Variants in DSCAM observed in about 807,000 individuals in gnomAD.
DSCAM encodes the protein DS cell adhesion molecule.
Under a neutral mutation model 217.7 loss-of-function variants are expected in DSCAM, and 47 were observed. That is an observed-to-expected ratio of 0.22 (90% CI 0.17 to 0.28). DSCAM has a LOEUF of 0.28. Ranked by LOEUF, DSCAM falls within the 10% of genes least tolerant of loss-of-function variation. The pLI is 1.00. For missense variants in DSCAM, 2,080 were observed against 2,618.3 expected (o/e 0.79, Z 4.49); for synonymous variants, 1,056 against 1,015.3 (o/e 1.04, Z -0.76).
chr21:40,673,010 A>G lies in DSCAM; in HGVS notation c.508+19800T>C, dbSNP rs140400354. ...CCAGCCCAGAATTCAACAGTTTGCC[A>G]TTATCCCTGCATAAAAATCCAAAGC... is the stretch of plus-strand genomic sequence containing the variant. On this transcript the variant is annotated intron_variant, in intron 3 of 32. Coordinates refer to ENST00000400454, the MANE Select transcript of DSCAM (RefSeq NM_001389.5). Among the ~76,000 whole-genome samples the G allele has an allele frequency of 3.9e-5, 6 of 152,306 alleles. 1 individual carries two copies. Among genetic ancestry groups the G allele is most frequent in the African/African-American group, 1.4e-4 (6 of 41,566 alleles).
chr21:40,118,585 C>G (rs960967525), intron 20 of DSCAM, among the ~76,000 whole-genome samples: 1 of 152,076 alleles, frequency 6.6e-6, no homozygotes, highest in Non-Finnish European at 1.5e-5. Flanking sequence ...AACTCCGTCT[C>G]AAAACAAACA....
chr21:40,266,777 CAT>C lies in DSCAM; in HGVS notation c.2356+9318_2356+9319del, dbSNP rs10684678. 5.7e-3 allele frequency among the ~76,000 whole-genome samples: 619 copies of C among 109,092 alleles called. 6 individuals carry two copies. Among genetic ancestry groups the C allele is most frequent in the Admixed American group, 7.5e-3 (77 of 10,322 alleles). The allele number at this position is 109,092 out of a possible 152,430, so 71.6% of individuals were successfully genotyped here. A position where few individuals can be genotyped will look rare whatever the true frequency, so the allele number is the denominator to read the frequency against. Reference sequence around the variant, plus strand: ...TATATCATCTTGAAATTTTCACATGCATATATATATATATATATATATACACA... The same window carrying C: ...TATATCATCTTGAAATTTTCACATGCATATATATATATATATATATACACA... On this transcript the variant is annotated intron_variant, in intron 11 of 32. Coordinates refer to ENST00000400454, the MANE Select transcript of DSCAM (RefSeq NM_001389.5).
At chr21:40,118,633 T>C (rs1477372740) in intron 20 of DSCAM, among the ~76,000 whole-genome samples, 1 of 152,192 alleles carries the variant, frequency 6.6e-6, no homozygotes, top group South Asian at 2.1e-4. Context: ...TCTTGTGACA[T>C]GATGTCACTT....
intron 3 of DSCAM, among the ~76,000 whole-genome samples, chr21:40,411,173 TATACACACACACACACACACACAC>T (rs1421720989): frequency 4.7e-4 from 63 of 134,848 alleles, no homozygotes; most frequent in African/African-American, 6.9e-4. Context: ...ACAGTAATTA[TATACACACACACACACACACACAC>T]ACACACACAC....
intron 3 of DSCAM, among the ~76,000 whole-genome samples, chr21:40,446,987 C>G (rs969743737): frequency 6.6e-6 from 1 of 152,094 alleles, no homozygotes; most frequent in Non-Finnish European, 1.5e-5. Flanking sequence ...GATGAGGTAG[C>G]CTGTCTGCCA....
intron 11 of DSCAM, among the ~76,000 whole-genome samples, chr21:40,227,762 C>T (rs146400648): frequency 2.0e-4 from 31 of 152,308 alleles, no homozygotes; most frequent in East Asian, 1.9e-3. Flanking sequence ...TACTTCACAT[C>T]TCCACATCCA....
chr21:40,807,330 C>T (rs2091797202), intron 1 of DSCAM, among the ~76,000 whole-genome samples: 1 of 152,218 alleles, frequency 6.6e-6, no homozygotes, highest in South Asian at 2.1e-4. Flanking sequence ...CTGCATCCTT[C>T]CAGGTCAGCC....
At chr21:40,500,166 A>C (rs2076160025) in intron 3 of DSCAM, among the ~76,000 whole-genome samples, 1 of 152,232 alleles carries the variant, frequency 6.6e-6, no homozygotes, top group Non-Finnish European at 1.5e-5. Flanking sequence ...AAAAAGTCTC[A>C]GGACAACACA....
At chr21:40,306,947 C>G (rs1482286963) in intron 9 of DSCAM, among the ~76,000 whole-genome samples, 1 of 152,106 alleles carries the variant, frequency 6.6e-6, no homozygotes, top group Non-Finnish European at 1.5e-5. Flanking sequence ...CAGGATGACG[C>G]TGGCCTCATA....
At chr21:40,794,580 C>A (rs1275541795) in intron 1 of DSCAM, among the ~76,000 whole-genome samples, 7 of 150,336 alleles carry the variant, frequency 4.7e-5, no homozygotes, top group East Asian at 3.9e-4. Flanking sequence ...TAAAGTGAAC[C>A]ATTGCATCAA....
intron 1 of DSCAM, among the ~76,000 whole-genome samples, chr21:40,791,026 TAA>T (rs970757036): frequency 6.7e-6 from 1 of 149,830 alleles, no homozygotes; most frequent in Non-Finnish European, 1.5e-5. Context: ...AAAATAAAAA[TAA>T]AAAAAATTAG....
intron 3 of DSCAM, among the ~76,000 whole-genome samples, chr21:40,454,864 C>T (rs568899571): frequency 6.6e-6 from 1 of 152,210 alleles, no homozygotes; most frequent in South Asian, 2.1e-4. Context: ...AGAGGCAGGG[C>T]CAGATAAATT....
intron 1 of DSCAM, among the ~76,000 whole-genome samples, chr21:40,790,365 A>T (rs990754236): frequency 4.6e-5 from 7 of 152,012 alleles, no homozygotes; most frequent in African/African-American, 1.7e-4. Context: ...TATTTTTAGT[A>T]GAGACGGGGT....
At chr21:40,823,540 A>G (rs368498089) in intron 1 of DSCAM, among the ~76,000 whole-genome samples, 2 of 152,152 alleles carry the variant, frequency 1.3e-5, no homozygotes, top group African/African-American at 4.8e-5. Context: ...CAAAAAATAT[A>G]AATATTTATA....
intron 16 of DSCAM, among the ~76,000 whole-genome samples, chr21:40,149,142 A>C (rs2090391979): frequency 6.6e-6 from 1 of 151,774 alleles, no homozygotes; most frequent in South Asian, 2.1e-4. Flanking sequence ...TATTAACATC[A>C]CTACCACCGC....
At chr21:40,484,620 C>T (rs2076009533) in intron 3 of DSCAM, among the ~76,000 whole-genome samples, 1 of 86,764 alleles carries the variant, frequency 1.2e-5, no homozygotes, top group Non-Finnish European at 2.2e-5. Flanking sequence ...GGATAATGTT[C>T]ATGGGTGGTT....
At chr21:40,605,791 C>CTTTTTTTTTTTTTTTTT (rs755767800) in intron 3 of DSCAM, among the ~76,000 whole-genome samples, 4 of 61,994 alleles carry the variant, frequency 6.5e-5, no homozygotes, top group African/African-American at 2.5e-4. Context: ...AATGCACATT[C>CTTTTTTTTTTTTTTTTT]TTTTTTTTTT....
intron 4 of DSCAM, among the ~76,000 whole-genome samples, chr21:40,356,259 T>G (rs1211618822): frequency 1.3e-5 from 2 of 152,120 alleles, no homozygotes; most frequent in Non-Finnish European, 2.9e-5. Context: ...TTAATAACAC[T>G]ATCTTACATA....
intron 3 of DSCAM, among the ~76,000 whole-genome samples, chr21:40,413,141 G>A (rs1244781720): frequency 2.0e-5 from 3 of 152,210 alleles, no homozygotes; most frequent in African/African-American, 7.2e-5. Flanking sequence ...TTGCTGCAGG[G>A]GCAGGGCCCT....
Sources: allele counts gnomAD v4.1 joint callset (sites outside exome capture counted in the v4.1 genomes callset), GRCh38; gene constraint gnomAD v4.1.1; transcripts MANE v1.5; gene names NCBI Gene and HGNC (gene_info 2026-07-23, HGNC 2026-07-21).